The following CTNNA3 variants were observed in gnomAD, a reference collection of about 807,000 sequenced individuals.
CTNNA3 encodes catenin alpha 3, also known as catenin alpha-3.
Under a neutral mutation model 95.7 loss-of-function variants are expected in CTNNA3, and 76 were observed. The ratio of observed to expected loss-of-function variants is 0.79; its 90% CI spans 0.66 to 0.96. The LOEUF is 0.96. Among genes scored for constraint, CTNNA3 ranks in the 40% least tolerant of loss-of-function variants. CTNNA3 has a pLI of 0.00. For synonymous variants in CTNNA3, 431 were observed against 374.4 expected, an observed-to-expected ratio of 1.15 and a Z score of -1.74; for missense variants, 1,191 against 1,089.8, an observed-to-expected ratio of 1.09 and a Z score of -1.31.
At chr10:66,155,794 A>G (rs1281763040) in intron 13 of CTNNA3, among the ~76,000 whole-genome samples, 1 of 151,976 alleles carries the variant, frequency 6.6e-6, no homozygotes, top group African/African-American at 2.4e-5. Context: ...TAGGGCAAAT[A>G]AAAAGTTGAT....
At chr10:67,552,691 C>T (rs1035704988) in intron 3 of CTNNA3, among the ~76,000 whole-genome samples, 1 of 152,068 alleles carries the variant, frequency 6.6e-6, no homozygotes, top group Non-Finnish European at 1.5e-5. Context: ...TGACAGGACC[C>T]AGTGTGTGTT....
At chr10:66,172,967 A>G (rs2085508564) in intron 13 of CTNNA3, among the ~76,000 whole-genome samples, 1 of 152,192 alleles carries the variant, frequency 6.6e-6, no homozygotes, top group Admixed American at 6.5e-5. Flanking sequence ...ATAATGCACA[A>G]TTAAGAAGAC....
chr10:67,606,063 T>C (rs1843263250), intron 3 of CTNNA3, among the ~76,000 whole-genome samples: 1 of 152,230 alleles, frequency 6.6e-6, no homozygotes, highest in African/African-American at 2.4e-5. Context: ...AGCAAAGGCT[T>C]CCTGATTTTC....
chr10:67,717,690 T>C (rs535275891), intron 1 of CTNNA3, among the ~76,000 whole-genome samples: 67 of 152,322 alleles, frequency 4.4e-4, no homozygotes, highest in African/African-American at 1.6e-3. Flanking sequence ...TCTGTTTTGG[T>C]ACCAGTACCA....
chr10:67,372,780 G>C (rs1390428791), intron 5 of CTNNA3, among the ~76,000 whole-genome samples: 1 of 152,114 alleles, frequency 6.6e-6, no homozygotes, highest in African/African-American at 2.4e-5. Context: ...CAGATCTCTC[G>C]GCAGAAACTC....
At chr10:66,983,928 A>G (rs548630558) in intron 7 of CTNNA3, among the ~76,000 whole-genome samples, 8 of 152,328 alleles carry the variant, frequency 5.3e-5, no homozygotes, top group Non-Finnish European at 1.0e-4. Flanking sequence ...GCACTATGTC[A>G]TTTAATTCTT....
At chr10:66,412,314 A>C (rs1476193756) in intron 11 of CTNNA3, among the ~76,000 whole-genome samples, 4 of 152,152 alleles carry the variant, frequency 2.6e-5, no homozygotes, top group African/African-American at 9.7e-5. Context: ...GACTACAATA[A>C]TGTTGAAGAA....
chr10:66,982,811 G>A (rs1179516017), intron 7 of CTNNA3, among the ~76,000 whole-genome samples: 1 of 152,124 alleles, frequency 6.6e-6, no homozygotes, highest in Non-Finnish European at 1.5e-5. Context: ...TGCCTTTCCA[G>A]TAAGATATTA....
intron 13 of CTNNA3, among the ~76,000 whole-genome samples, chr10:66,111,397 T>C (rs2082114926): frequency 6.6e-6 from 1 of 152,204 alleles, no homozygotes; most frequent in South Asian, 2.1e-4. Context: ...TAGTGCTTTA[T>C]AGGAATGTGA....
chr10:66,743,456 T>C (rs975222661), intron 9 of CTNNA3, among the ~76,000 whole-genome samples: 4 of 152,158 alleles, frequency 2.6e-5, no homozygotes, highest in African/African-American at 9.7e-5. Context: ...TTTCTGAAAA[T>C]ATGAGACTTT....
At chr10:67,323,325 C>T (rs1841400743) in intron 5 of CTNNA3, among the ~76,000 whole-genome samples, 1 of 151,974 alleles carries the variant, frequency 6.6e-6, no homozygotes, top group African/African-American at 2.4e-5. Flanking sequence ...TGACTATTTT[C>T]TCTTCAGGGT....
At chr10:66,146,372 AATAG>A (rs1319365383) in intron 13 of CTNNA3, among the ~76,000 whole-genome samples, 1 of 152,184 alleles carries the variant, frequency 6.6e-6, no homozygotes, top group Non-Finnish European at 1.5e-5. Flanking sequence ...TACACTGAGT[AATAG>A]ATACTTTATT....
chr10:66,046,489 T>C (rs920396645), intron 15 of CTNNA3, among the ~76,000 whole-genome samples: 1 of 152,174 alleles, frequency 6.6e-6, no homozygotes, highest in Non-Finnish European at 1.5e-5. Flanking sequence ...GGGAAATTCA[T>C]AGCACTAAAT....
At chr10:67,498,773 C>T (rs1172305368) in intron 5 of CTNNA3, among the ~76,000 whole-genome samples, 1 of 152,168 alleles carries the variant, frequency 6.6e-6, no homozygotes, top group Non-Finnish European at 1.5e-5. Flanking sequence ...GTGATTTTTG[C>T]GCATTGATTT....
At chr10:66,671,709 A>C (rs553812236) in intron 9 of CTNNA3, among the ~76,000 whole-genome samples, 1 of 152,296 alleles carries the variant, frequency 6.6e-6, no homozygotes, top group Admixed American at 6.5e-5. Context: ...GAAATGATTA[A>C]GATCACAGGA....
At chr10:66,856,872 A>G (rs747871158) in intron 7 of CTNNA3, among the ~76,000 whole-genome samples, 3 of 151,916 alleles carry the variant, frequency 2.0e-5, no homozygotes, top group South Asian at 2.1e-4. Flanking sequence ...TACTCTTTCA[A>G]TAGTTTCTTT....
At chr10:66,734,254 T>A (rs1157050937) in intron 9 of CTNNA3, among the ~76,000 whole-genome samples, 2 of 152,060 alleles carry the variant, frequency 1.3e-5, no homozygotes, top group Non-Finnish European at 2.9e-5. Context: ...CTTCTCTCTC[T>A]CTAAACATAT....
intron 7 of CTNNA3, among the ~76,000 whole-genome samples, chr10:67,137,945 TC>T (rs1385687017): frequency 6.6e-6 from 1 of 151,592 alleles, no homozygotes; most frequent in East Asian, 1.9e-4. Context: ...TAAAATATAA[TC>T]CCAGAATACA....
intron 11 of CTNNA3, among the ~76,000 whole-genome samples, chr10:66,399,514 C>A (rs56287506): frequency 1.6e-4 from 25 of 151,758 alleles, no homozygotes; most frequent in Middle Eastern, 6.8e-3. Flanking sequence ...GTGGTATATG[C>A]GTGTGAAGTG....
Sources: allele counts gnomAD v4.1 joint callset (sites outside exome capture counted in the v4.1 genomes callset), GRCh38; gene constraint gnomAD v4.1.1; transcripts MANE v1.5; gene names NCBI Gene and HGNC (gene_info 2026-07-23, HGNC 2026-07-21).